Variants in HMCN1 observed in about 807,000 individuals in gnomAD.
The protein encoded by HMCN1 is hemicentin-1.
In HMCN1, 321 loss-of-function variants were observed where a neutral mutation model predicts 625.9. The ratio of observed to expected loss-of-function variants is 0.51; its 90% CI spans 0.47 to 0.56. The LOEUF is 0.56. Ranked by LOEUF, HMCN1 falls within the 20% of genes least tolerant of loss-of-function variation. HMCN1 has a pLI of 0.00. For missense variants in HMCN1, 6,588 were observed against 6,887.3 expected, an observed-to-expected ratio of 0.96 and a Z score of 1.54; for synonymous variants, 2,425 against 2,417.6, an observed-to-expected ratio of 1.00 and a Z score of -0.09.
At chr1:186,092,834 C>T (rs953155847) in intron 64 of HMCN1, among the ~76,000 whole-genome samples, 4 of 151,922 alleles carry the variant, frequency 2.6e-5, no homozygotes, top group African/African-American at 9.7e-5. Context: ...AATTTTCATG[C>T]CAGAATTTTG....
At position 186,103,687 on chromosome 1, in the gene HMCN1, A is replaced by T. The variant is rs369209386; in HGVS notation, c.10770+19A>T. 8 of 1,608,778 alleles carry T rather than the reference A, an allele frequency of 5.0e-6. No homozygotes were observed. The highest frequency in any genetic ancestry group is 6.8e-6 in the Non-Finnish European group (8 of 1,176,074). ...TGCTCAGGTAAGTGTCAAAGTTCAT[A>T]GAATTATTTTAGGTTAGGTCAAACT... On this transcript the variant is annotated intron_variant, in intron 69 of 106. Coordinates refer to ENST00000271588, the MANE Select transcript of HMCN1 (RefSeq NM_031935.3).
intron 92 of HMCN1, 79 bp from the exon 93 acceptor site, chr1:186,145,674 G>T (rs1022021083): frequency 6.2e-7 from 1 of 1,611,362 alleles, no homozygotes; most frequent in African/African-American, 1.3e-5. Flanking sequence ...AAGTTGTATA[G>T]GCAGGGGCAC....
intron 1 of HMCN1, among the ~76,000 whole-genome samples, chr1:185,752,714 A>G (rs1243009442): frequency 6.6e-6 from 1 of 152,162 alleles, no homozygotes; most frequent in Non-Finnish European, 1.5e-5. Flanking sequence ...ATTTGCTTAC[A>G]CAGAAAACTG....
At chr1:185,931,668 C>A (rs1286666927) in intron 10 of HMCN1, among the ~76,000 whole-genome samples, 1 of 152,092 alleles carries the variant, frequency 6.6e-6, no homozygotes. Flanking sequence ...AGAAGAGGAA[C>A]TGTGCTACAG....
intron 36 of HMCN1, among the ~76,000 whole-genome samples, chr1:186,027,647 C>A (rs771774863): frequency 6.6e-6 from 1 of 152,136 alleles, no homozygotes; most frequent in Non-Finnish European, 1.5e-5. Flanking sequence ...TGGTGCCTGG[C>A]TCCTAGTCAG....
chr1:186,107,680 C>A (rs1362331641), intron 70 of HMCN1, among the ~76,000 whole-genome samples: 1 of 151,998 alleles, frequency 6.6e-6, no homozygotes, highest in East Asian at 1.9e-4. Context: ...ATATAAACAG[C>A]CCTGCTATGG....
intron 67 of HMCN1, 126 bp from the exon 68 acceptor site, chr1:186,095,117 C>T (rs369379624): frequency 1.0e-4 from 93 of 920,806 alleles, no homozygotes; most frequent in Non-Finnish European, 1.5e-4. Context: ...AGTTATTATA[C>T]ACAATTTTAA....
chr1:186,103,715 T>C, intron 69 of HMCN1, 47 bp downstream of exon 69: 1 of 1,479,324 alleles, frequency 6.8e-7, no homozygotes, highest in Non-Finnish European at 9.4e-7. Flanking sequence ...GTCAAACTTC[T>C]CACTTGCTAA....
chr1:186,163,603 A>G (rs1333711861), intron 97 of HMCN1, among the ~76,000 whole-genome samples: 1 of 152,232 alleles, frequency 6.6e-6, no homozygotes, highest in Non-Finnish European at 1.5e-5. Flanking sequence ...AAACAGTCCA[A>G]TCAGCCACCA....
intron 89 of HMCN1, among the ~76,000 whole-genome samples, chr1:186,143,916 A>C (rs1008490855): frequency 2.6e-5 from 4 of 152,202 alleles, no homozygotes; most frequent in Admixed American, 2.0e-4. Context: ...AATTGTAATA[A>C]AATAGCTCCT....
intron 68 of HMCN1, among the ~76,000 whole-genome samples, chr1:186,095,828 C>T (rs1040821809): frequency 2.6e-5 from 4 of 152,026 alleles, no homozygotes; most frequent in African/African-American, 4.8e-5. Flanking sequence ...AAAACACATC[C>T]GATTATAGAA....
intron 48 of HMCN1, 118 bp from the exon 49 acceptor site, chr1:186,065,120 T>G (rs924225138): frequency 8.7e-5 from 61 of 702,952 alleles, no homozygotes; most frequent in Non-Finnish European, 1.5e-4. Context: ...GAATGATTAC[T>G]GCCGTGTTTT....
intron 1 of HMCN1, among the ~76,000 whole-genome samples, chr1:185,780,331 T>C (rs993946605): frequency 5.3e-5 from 8 of 152,086 alleles, no homozygotes; most frequent in Admixed American, 2.6e-4. Context: ...TAATTGAATG[T>C]CCTTTATGTC....
chr1:185,805,637 ATCTT>A (rs915388533), intron 1 of HMCN1, among the ~76,000 whole-genome samples: 1 of 152,172 alleles, frequency 6.6e-6, no homozygotes, highest in Non-Finnish European at 1.5e-5. Context: ...TAACCATGTG[ATCTT>A]TTTGCAAATT....
In HMCN1 at chr1:185,977,754, G is replaced by A. The variant is rs377728759; in HGVS notation, c.2372-33G>A. The stretch of plus-strand genomic sequence containing the variant: ...GTTTAATATGCCTGTATAATATACC[G>A]ATGACTTATTTGTTGTTTGTAATGT... On this transcript the variant is annotated intron_variant, in intron 15 of 106. Transcript: ENST00000271588. 135 of 1,360,594 alleles carry A rather than the reference G, an allele frequency of 9.9e-5. 1 individual carries two copies. The highest frequency in any genetic ancestry group is 9.0e-4 in the South Asian group (77 of 85,826). 84.3% of individuals were successfully genotyped at this position (1,360,594 alleles called of 1,614,324 possible).
chr1:186,095,866 C>T (rs1194661961), intron 68 of HMCN1, among the ~76,000 whole-genome samples: 2 of 152,122 alleles, frequency 1.3e-5, no homozygotes, highest in African/African-American at 4.8e-5. Flanking sequence ...AATAGGTATA[C>T]TATGATATGT....
At chr1:185,930,081 T>C (rs1405142959) in intron 10 of HMCN1, among the ~76,000 whole-genome samples, 2 of 152,206 alleles carry the variant, frequency 1.3e-5, no homozygotes, top group Non-Finnish European at 2.9e-5. Context: ...GAATTGGGCT[T>C]GACGGTGTCA....
intron 11 of HMCN1, among the ~76,000 whole-genome samples, chr1:185,936,951 T>G (rs1211839398): frequency 6.6e-6 from 1 of 152,202 alleles, no homozygotes; most frequent in Non-Finnish European, 1.5e-5. Context: ...TAAAAGACAC[T>G]AGTTTTGGAT....
chr1:185,783,259 C>G (rs762395421), intron 1 of HMCN1, among the ~76,000 whole-genome samples: 6 of 152,158 alleles, frequency 3.9e-5, no homozygotes, highest in Non-Finnish European at 7.3e-5. Context: ...AATCTTTTAT[C>G]AAGGTTTTTA....
Sources: allele counts gnomAD v4.1 joint callset (sites outside exome capture counted in the v4.1 genomes callset), GRCh38; gene constraint gnomAD v4.1.1; transcripts MANE v1.5; gene names NCBI Gene and HGNC (gene_info 2026-07-23, HGNC 2026-07-21).